Variants in RNF150 observed in about 807,000 individuals in gnomAD.
RNF150 encodes ring finger protein 150.
A neutral mutation model predicts 39.3 loss-of-function variants in RNF150; 24 were observed. The observed-to-expected ratio is 0.61, with a 90% CI of 0.44 to 0.86. RNF150 has a LOEUF of 0.86. Among genes scored for constraint, RNF150 ranks in the 40% least tolerant of loss-of-function variants. The pLI, the probability that RNF150 is intolerant of heterozygous loss-of-function variation, is 0.00. For missense variants in RNF150, 502 were observed against 587.8 expected (o/e 0.85, Z 1.51); for synonymous variants, 255 against 227.3 (o/e 1.12, Z -1.10).
rs1734602178 is a variant in RNF150 at position 141,000,085 on chromosome 4, AGGAGAAGAAGAAGAAGAAGAAGAGGAG to A, written c.485-32239_485-32213del. Among the ~76,000 whole-genome samples, 7 of 66,060 alleles carry A rather than the reference AGGAGAAGAAGAAGAAGAAGAAGAGGAG, an allele frequency of 1.1e-4. 1 individual carries two copies. The highest frequency in any genetic ancestry group is 1.6e-4 in the Admixed American group (1 of 6,370). The allele number at this position is 66,060 out of a possible 152,430, so 43.3% of individuals were successfully genotyped here. A position where few individuals can be genotyped will look rare whatever the true frequency, so the allele number is the denominator to read the frequency against. On this transcript the variant is annotated intron_variant, in intron 1 of 6. Coordinates refer to ENST00000515673, the MANE Select transcript of RNF150 (RefSeq NM_020724.2). ...AAGAAGAAGAAGAAGAAGAAGAAGA[AGGAGAAGAAGAAGAAGAAGAAGAGGAG>A]GAAGAAGAAGAAGAAGAAAACATTT... is the stretch of plus-strand genomic sequence containing the variant.
rs890121570 is a variant in RNF150 at position 140,914,017 on chromosome 4, A to G, written c.988-2663T>C. ...TACTGTGCAGGTTGTTCTTTTGGCC[A>G]TAAATACGTAAATGCAATCATATGC... On this transcript the variant is annotated intron_variant, in intron 5 of 6. Coordinates refer to ENST00000515673, the MANE Select transcript of RNF150 (RefSeq NM_020724.2). Among the ~76,000 whole-genome samples, 4 of 152,360 alleles carry G rather than the reference A, an allele frequency of 2.6e-5. 1 individual carries two copies. Among genetic ancestry groups the G allele is most frequent in the African/African-American group, 4.8e-5 (2 of 41,588 alleles).
chr4:141,013,058 G>C (rs1735133800), intron 1 of RNF150, among the ~76,000 whole-genome samples: 1 of 152,124 alleles, frequency 6.6e-6, no homozygotes. Flanking sequence ...GGGGAAAATG[G>C]AATATGAGTT....
intron 1 of RNF150, among the ~76,000 whole-genome samples, chr4:141,043,256 G>C (rs145907948): frequency 5.3e-4 from 81 of 152,146 alleles, no homozygotes; most frequent in African/African-American, 1.9e-3. Flanking sequence ...TACAAAATAT[G>C]GTACGTTTGT....
chr4:140,946,153 T>G (rs929146873), intron 4 of RNF150, among the ~76,000 whole-genome samples: 3 of 152,214 alleles, frequency 2.0e-5, no homozygotes. Context: ...TAACGGAAAG[T>G]GAATCACAAT....
At chr4:140,974,424 G>A (rs559203086) in intron 1 of RNF150, among the ~76,000 whole-genome samples, 4 of 152,158 alleles carry the variant, frequency 2.6e-5, no homozygotes, top group Non-Finnish European at 5.9e-5. Context: ...TGGACATACG[G>A]ATTATTGCCA....
intron 1 of RNF150, among the ~76,000 whole-genome samples, chr4:141,069,456 G>T (rs1737603331): frequency 1.2e-5 from 1 of 82,454 alleles, no homozygotes; most frequent in Non-Finnish European, 2.3e-5. Flanking sequence ...GCTGGATTCG[G>T]TTTGCCAGTA....
chr4:141,182,326 C>A (rs1727921349), intron 1 of RNF150, among the ~76,000 whole-genome samples: 1 of 68,668 alleles, frequency 1.5e-5, no homozygotes, highest in Non-Finnish European at 2.9e-5. Flanking sequence ...GAAGTTCTGG[C>A]CAGGGCAATC....
chr4:141,049,919 A>C (rs954066158), intron 1 of RNF150, among the ~76,000 whole-genome samples: 1 of 152,154 alleles, frequency 6.6e-6, no homozygotes, highest in East Asian at 1.9e-4. Flanking sequence ...TATTTATAAA[A>C]ATATTAAAAG....
chr4:140,962,077 C>T (rs1733053540), intron 2 of RNF150, among the ~76,000 whole-genome samples: 1 of 150,094 alleles, frequency 6.7e-6, no homozygotes, highest in African/African-American at 2.4e-5. Flanking sequence ...CTCTCTCTCT[C>T]TCTACTCTCT....
intron 6 of RNF150, among the ~76,000 whole-genome samples, chr4:140,872,793 T>G (rs928102266): frequency 6.6e-6 from 1 of 152,214 alleles, no homozygotes; most frequent in Non-Finnish European, 1.5e-5. Context: ...GAGTTCAGGT[T>G]TGCATATGCT....
intron 1 of RNF150, among the ~76,000 whole-genome samples, chr4:141,055,324 C>T (rs1247314113): frequency 3.3e-5 from 5 of 152,120 alleles, no homozygotes; most frequent in African/African-American, 7.2e-5. Context: ...CCTTTCATTG[C>T]TCATATTTTA....
chr4:141,085,189 A>C (rs1738314420), intron 1 of RNF150, among the ~76,000 whole-genome samples: 1 of 152,222 alleles, frequency 6.6e-6, no homozygotes, highest in South Asian at 2.1e-4. Context: ...GGCAGGCAAG[A>C]CAGCATGTAC....
chr4:141,078,240 G>A (rs538631435), intron 1 of RNF150, among the ~76,000 whole-genome samples: 4 of 152,266 alleles, frequency 2.6e-5, no homozygotes, highest in African/African-American at 9.6e-5. Context: ...TGTGAATGGT[G>A]ACAGGGATGC....
intron 1 of RNF150, among the ~76,000 whole-genome samples, chr4:141,106,302 T>C (rs1739193368): frequency 6.6e-6 from 1 of 152,236 alleles, no homozygotes; most frequent in South Asian, 2.1e-4. Context: ...TGTCTTGCTG[T>C]CTTTTCTAGC....
intron 5 of RNF150, among the ~76,000 whole-genome samples, chr4:140,913,496 T>C (rs1428564429): frequency 2.6e-5 from 4 of 152,182 alleles, no homozygotes; most frequent in Non-Finnish European, 5.9e-5. Flanking sequence ...CCAATCACCC[T>C]CTTTTTCCTA....
chr4:140,938,056 G>A (rs1731928616), intron 4 of RNF150, among the ~76,000 whole-genome samples: 1 of 152,090 alleles, frequency 6.6e-6, no homozygotes, highest in African/African-American at 2.4e-5. Context: ...GACTTCACGA[G>A]TTATAGGACT....
At chr4:141,019,604 A>G (rs1735408709) in intron 1 of RNF150, among the ~76,000 whole-genome samples, 1 of 152,156 alleles carries the variant, frequency 6.6e-6, no homozygotes, top group Admixed American at 6.6e-5. Flanking sequence ...AATTCTCAGC[A>G]TATGTTTAAG....
At position 141,132,897 on chromosome 4, in the gene RNF150, C is replaced by T; in HGVS notation, c.-89G>A. The T allele has an allele frequency of 9.0e-7, 1 of 1,107,830 alleles. No homozygotes were observed. Among genetic ancestry groups the T allele is most frequent in the African/African-American group, 1.6e-5 (1 of 62,596 alleles). The allele number at this position is 1,107,830 out of a possible 1,614,324, so 68.6% of individuals were successfully genotyped here. A position where few individuals can be genotyped will look rare whatever the true frequency, so the allele number is the denominator to read the frequency against. On this transcript the variant is annotated 5_prime_UTR_variant, in exon 1 of 7. Transcript: ENST00000515673. The surrounding 1 kb of genome is among the most constrained non-coding windows in gnomAD (Gnocchi z 4.9). ...GCCCCGGCCAACCCCGGGCCGCTGC[C>T]TCTCCTCCTGCTGCTGCTCACTCCC...
intron 1 of RNF150, among the ~76,000 whole-genome samples, chr4:141,161,523 A>G (rs1727512296): frequency 1.3e-5 from 2 of 152,218 alleles, no homozygotes; most frequent in African/African-American, 4.8e-5. Flanking sequence ...AGGCTGCACA[A>G]ATTTGTGTAA....
Sources: allele counts gnomAD v4.1 joint callset (sites outside exome capture counted in the v4.1 genomes callset), GRCh38; gene constraint gnomAD v4.1.1; non-coding constraint Gnocchi (gnomAD v3.1); transcripts MANE v1.5; gene names NCBI Gene and HGNC (gene_info 2026-07-23, HGNC 2026-07-21).